Variants in TTLL3 observed in about 807,000 individuals in gnomAD.
TTLL3 encodes tubulin tyrosine ligase like 3, also known as tubulin monoglycylase TTLL3.
Under a neutral mutation model 75.2 loss-of-function variants are expected in TTLL3, and 63 were observed. The observed-to-expected ratio is 0.84, with a 90% confidence interval of 0.68 to 1.03. TTLL3 has a LOEUF of 1.03. Among genes scored for constraint, TTLL3 ranks in the 50% least tolerant of loss-of-function variants. TTLL3 has a pLI of 0.00. For missense variants in TTLL3, 997 were observed against 1,069.9 expected, an observed-to-expected ratio of 0.93 and a Z score of 0.95; for synonymous variants, 393 against 418.5, an observed-to-expected ratio of 0.94 and a Z score of 0.74.
At chr3:9,819,832 G>A (rs907268275) in intron 7 of TTLL3, 15 of 985,440 alleles carry the variant, frequency 1.5e-5, no homozygotes, top group Non-Finnish European at 1.8e-5. Flanking sequence ...AGGCTTGGTT[G>A]TGTGCCAGGA....
rs1011940834 is a variant in TTLL3, at chr3:9,810,335, C to T, written c.-101C>T. On this transcript the variant is annotated 5_prime_UTR_variant, in exon 1 of 14. Coordinates refer to ENST00000685419, the MANE Select transcript of TTLL3 (RefSeq NM_001387446.1). The surrounding 1 kb of genome is among the most constrained non-coding windows in gnomAD (Gnocchi z 4.4). ...CCAGGCACCCACGCCCAGGGCGCCT[C>T]GGATACCCACCCCCTCGGCCCCCCG... 9.6e-6 allele frequency: 14 copies of T among 1,455,152 alleles called. No homozygotes were observed. Among genetic ancestry groups the T allele is most frequent in the Admixed American group, 8.2e-5 (3 of 36,638 alleles). The allele number at this position is 1,455,152 out of a possible 1,614,324, so 90.1% of individuals were successfully genotyped here. A position where few individuals can be genotyped will look rare whatever the true frequency, so the allele number is the denominator to read the frequency against.
intron 5 of TTLL3, 81 bp downstream of exon 5, chr3:9,816,283 T>A: frequency 7.9e-7 from 1 of 1,273,786 alleles, no homozygotes. Context: ...GCTCACCTTG[T>A]TAGTAAGAGG....
chr3:9,824,114 C>T (rs1457709525), intron 8 of TTLL3, among the ~76,000 whole-genome samples: 1 of 152,198 alleles, frequency 6.6e-6, no homozygotes. Context: ...TGTTCCTGCT[C>T]TTACGGAGTT....
rs767573993 is a variant in TTLL3 at position 9,825,953 on chromosome 3, G to A, written c.1003+5G>A. 7 of 1,611,938 alleles carry A rather than the reference G, an allele frequency of 4.3e-6. No individual in the cohort carries two copies. The East Asian group carries it at 6.7e-5, about 15-fold the overall frequency. Reference sequence around the variant, plus strand: ...GAGCCAAGTCCCGCGGACGAGGTGGGGGTCAGCTCCTGCTTCCTGCACTGG... The same window carrying A: ...GAGCCAAGTCCCGCGGACGAGGTGGAGGTCAGCTCCTGCTTCCTGCACTGG... On this transcript the variant is annotated splice_donor_5th_base_variant and intron_variant, in intron 9 of 13. Transcript: ENST00000685419.
intron 11 of TTLL3, among the ~76,000 whole-genome samples, chr3:9,831,393 A>G (rs1403319163): frequency 2.0e-5 from 3 of 152,092 alleles, no homozygotes; most frequent in East Asian, 1.9e-4. Context: ...GAGGTTAAAC[A>G]TTTTTCCCAA....
Position 9,826,942 on chromosome 3 carries a change from C to T in TTLL3, c.1004-55C>T, listed in dbSNP as rs1322460608. ...GACAAGAGCTCATGACAAGCTGGCC[C>T]TTCTCCTGGCCCACGCCTGACCTTC... is the stretch of plus-strand genomic sequence containing the variant. On this transcript the variant is annotated intron_variant, in intron 9 of 13. Coordinates refer to ENST00000685419, the MANE Select transcript of TTLL3 (RefSeq NM_001387446.1). The T allele has an allele frequency of 1.2e-5, 19 of 1,608,732 alleles. 1 individual carries two copies. In the East Asian group the frequency reaches 3.1e-4, roughly 26 times the overall value.
intron 3 of TTLL3, 63 bp downstream of exon 3, chr3:9,813,174 G>A: frequency 6.2e-7 from 1 of 1,609,764 alleles, no homozygotes; most frequent in Non-Finnish European, 8.5e-7. Context: ...GGTTCCCACT[G>A]TCCCAGAGTT....
chr3:9,816,503 A>G (rs2079872985), intron 5 of TTLL3, among the ~76,000 whole-genome samples: 1 of 120,030 alleles, frequency 8.3e-6, no homozygotes, highest in African/African-American at 3.1e-5. Flanking sequence ...TAATGGACCC[A>G]TTCTGTCTTA....
At position 9,829,338 on chromosome 3, in the gene TTLL3, T is replaced by G. The variant is rs764347061; in HGVS notation, c.1626T>G (p.Ile542Met). 1.2e-6 allele frequency: 2 copies of G among 1,612,504 alleles called. No individual in the cohort carries two copies. The highest frequency in any genetic ancestry group is 1.7e-6 in the Non-Finnish European group (2 of 1,179,020). Reference sequence around the variant, plus strand: ...AAGCTGACACCCTGCGCGTGGTCATTGACCGGATGCTGGACCGCAACTGTG... The same window carrying G: ...AAGCTGACACCCTGCGCGTGGTCATGGACCGGATGCTGGACCGCAACTGTG... The part of the protein sequence containing the change: ...GVQADTLRVV[I>M]DRMLDRNCDT... The change falls in exon 11 of 14, where the codon ATT becomes ATG. Residue 542 changes from isoleucine (I) to methionine (M), a missense_variant. Physicochemically the swap from Ile to Met is conservative, Grantham distance 10 (BLOSUM62 1). Coordinates refer to ENST00000685419, the MANE Select transcript of TTLL3 (RefSeq NM_001387446.1).
chr3:9,831,000 A>G (rs989038453), intron 11 of TTLL3, among the ~76,000 whole-genome samples: 1 of 151,970 alleles, frequency 6.6e-6, no homozygotes, highest in East Asian at 1.9e-4. Flanking sequence ...ATGGGGTTTC[A>G]CCATGTTAGC....
At chr3:9,828,602 A>C (rs944921563) in intron 10 of TTLL3, 1 of 263,504 alleles carries the variant, frequency 3.8e-6, no homozygotes, top group African/African-American at 2.2e-5. Flanking sequence ...AAGGTCTCAC[A>C]ACTAGTGTGG....
chr3:9,833,097 C>A lies in TTLL3; in HGVS notation c.1684-7C>A. ...GAGTGGGCCTTGTCTCCTCTTCTTG[C>A]CCACAGCCTGCTGTGGAGGTGCCTC... On this transcript the variant is annotated splice_polypyrimidine_tract_variant and splice_region_variant and intron_variant, in intron 11 of 13. Coordinates refer to ENST00000685419, the MANE Select transcript of TTLL3 (RefSeq NM_001387446.1). 7 of 1,614,052 alleles carry A rather than the reference C, an allele frequency of 4.3e-6. No homozygotes were observed. The highest frequency in any genetic ancestry group is 5.9e-6 in the Non-Finnish European group (7 of 1,179,900).
chr3:9,824,583 G>GTT, intron 8 of TTLL3, among the ~76,000 whole-genome samples: 1 of 151,924 alleles, frequency 6.6e-6, no homozygotes, highest in Non-Finnish European at 1.5e-5. Flanking sequence ...GCTAATTTTT[G>GTT]TATTTTTAGG....
chr3:9,829,507 A>C, intron 11 of TTLL3, 112 bp downstream of exon 11: 1 of 1,384,692 alleles, frequency 7.2e-7, no homozygotes, highest in Admixed American at 2.8e-5. Flanking sequence ...CCCAGATTCA[A>C]GTCCTGGTCC....
At chr3:9,830,190 G>A (rs561215375) in intron 11 of TTLL3, among the ~76,000 whole-genome samples, 3 of 152,148 alleles carry the variant, frequency 2.0e-5, no homozygotes, top group Admixed American at 6.6e-5. Context: ...ATGCTACTAA[G>A]TTTTAGCTAA....
At chr3:9,809,750 T>C, upstream of TTLL3, 1 of 346,834 alleles carries the variant, frequency 2.9e-6, no homozygotes, top group Non-Finnish European at 5.2e-6. Context: ...AGTGCCCTGC[T>C]CATCAAGGGT....
chr3:9,816,128 G>A lies in TTLL3; in HGVS notation c.370G>A (p.Val124Met), dbSNP rs1197280658. The A allele has an allele frequency of 3.7e-6, 5 of 1,349,958 alleles. No homozygotes were observed. In the Admixed American group the frequency reaches 1.0e-4, roughly 27 times the overall value. The allele number at this position is 1,349,958 out of a possible 1,614,324, so 83.6% of individuals were successfully genotyped here. ...PYFIWTTRRD[V>M]LDCRFLSKDQ... is the part of the protein sequence containing the mutation. ...CTTCATCTGGACCACTCGGCGGGAT[G>A]TGCTCGACTGTCGCTTCCTCTCCAA... The change falls in exon 5 of 14, where the codon GTG becomes ATG. Residue 124 changes from valine (V) to methionine (M), a missense_variant. Val to Met is a conservative substitution (Grantham distance 21). Transcript: ENST00000685419.
chr3:9,818,763 G>C (rs745948769), intron 6 of TTLL3, 59 bp from the exon 7 acceptor site: 320 of 1,612,328 alleles, frequency 2.0e-4, no homozygotes, highest in Non-Finnish European at 2.6e-4. Flanking sequence ...TCAGGTTCTG[G>C]AACCAGAACA....
At chr3:9,834,961 G>A in intron 13 of TTLL3, 54 bp downstream of exon 13, 2 of 1,613,062 alleles carry the variant, frequency 1.2e-6, no homozygotes, top group Non-Finnish European at 1.7e-6. Context: ...CACGGGGTCA[G>A]GGCTGGAGGG....
Sources: gnomAD v4.1 joint callset for allele counts (sites outside exome capture counted in the v4.1 genomes callset) on GRCh38, gnomAD v4.1.1 for gene constraint, Gnocchi (gnomAD v3.1) non-coding constraint, MANE v1.5 for transcripts, NCBI Gene and HGNC (gene_info 2026-07-23, HGNC 2026-07-21) for gene names.